Variants in NEK4 observed in about 807,000 individuals in gnomAD.
NEK4 encodes the protein serine/threonine-protein kinase Nek4.
Under a neutral mutation model 98.4 loss-of-function variants are expected in NEK4, and 86 were observed. The ratio of observed to expected loss-of-function variants is 0.87; its 90% CI spans 0.73 to 1.05. The LOEUF is 1.05. NEK4 is among the 50% of genes least tolerant of loss of function. NEK4 has a pLI of 0.00. For missense variants in NEK4, 898 were observed against 950.3 expected, an observed-to-expected ratio of 0.94 and a Z score of 0.72; for synonymous variants, 328 against 342.2, an observed-to-expected ratio of 0.96 and a Z score of 0.46.
In NEK4 at chr3:52,770,839, G is replaced by C. The variant is rs1698756677; in HGVS notation, c.-93C>G. 5.3e-6 allele frequency: 6 copies of C among 1,133,120 alleles called. No individual in the cohort carries two copies. The Admixed American group carries it at 1.2e-4, about 23-fold the overall frequency. 70.2% of individuals were successfully genotyped at this position (1,133,120 alleles called of 1,614,324 possible). On this transcript the variant is annotated 5_prime_UTR_variant, in exon 1 of 16. Coordinates refer to ENST00000233027, the MANE Select transcript of NEK4 (RefSeq NM_003157.6). ...AAGCTCGGTTCATGCCCGAGAGGGG[G>C]CAGTGGGGGCGGCTGTTGAGGCAGC... is the stretch of plus-strand genomic sequence containing the variant.
At position 52,710,319 on chromosome 3, in the gene NEK4, T is replaced by C. The variant is rs1483375297; in HGVS notation, c.*1458A>G. 6.6e-6 allele frequency: 1 copy of C among 151,700 alleles called. No individual in the cohort carries two copies. The highest frequency in any genetic ancestry group is 1.5e-5 in the Non-Finnish European group (1 of 67,990). The allele number at this position is 151,700 out of a possible 1,614,324, so 9.4% of individuals were successfully genotyped here. On this transcript the variant is annotated 3_prime_UTR_variant, in exon 16 of 16. Transcript: ENST00000233027. ...GGCGGAGCTTGCAGTGATCTGAGATTGGGCCACTGCACTTCAGCCTGGGTG... is the reference window on the plus strand; with the variant it reads ...GGCGGAGCTTGCAGTGATCTGAGATCGGGCCACTGCACTTCAGCCTGGGTG...
At chr3:52,740,686 C>T (rs966559968) in intron 13 of NEK4, among the ~76,000 whole-genome samples, 21 of 151,610 alleles carry the variant, frequency 1.4e-4, no homozygotes, top group Non-Finnish European at 2.1e-4. Flanking sequence ...AGCTACTCGG[C>T]GGGGCTGAGA....
rs757918629 is a variant in NEK4 at position 52,768,619 on chromosome 3, T to A, written c.94-15A>T. 2 of 1,611,576 alleles carry A rather than the reference T, an allele frequency of 1.2e-6. No homozygotes were observed. Among genetic ancestry groups the A allele is most frequent in the Non-Finnish European group, 1.7e-6 (2 of 1,178,190 alleles). On this transcript the variant is annotated splice_polypyrimidine_tract_variant and intron_variant, in intron 1 of 15. Transcript: ENST00000233027. The stretch of plus-strand genomic sequence containing the variant: ...TTGATGACATACTAAAAACAAACCA[T>A]GTATTTTTACAATGTGCAAATAAAC...
chr3:52,746,630 T>C, intron 9 of NEK4, 104 bp downstream of exon 9: 1 of 999,822 alleles, frequency 1.0e-6, no homozygotes, highest in Non-Finnish European at 1.5e-6. Context: ...TTCTGTATTA[T>C]GTTCCTTGCA....
intron 10 of NEK4, among the ~76,000 whole-genome samples, chr3:52,744,523 A>T (rs2097392461): frequency 6.6e-6 from 1 of 151,986 alleles, no homozygotes; most frequent in Non-Finnish European, 1.5e-5. Context: ...GTCTCTACTA[A>T]AAATACAAAA....
At chr3:52,713,127 AG>A (rs1470197909) in intron 15 of NEK4, among the ~76,000 whole-genome samples, 6 of 152,212 alleles carry the variant, frequency 3.9e-5, no homozygotes, top group Non-Finnish European at 1.5e-5. Flanking sequence ...TAATAAAAAA[AG>A]TACTATGTGA....
intron 5 of NEK4, among the ~76,000 whole-genome samples, chr3:52,762,684 C>T (rs907215313): frequency 6.6e-6 from 1 of 152,154 alleles, no homozygotes; most frequent in African/African-American, 2.4e-5. Flanking sequence ...AGTTCAAGAC[C>T]AGCCTGGCCA....
intron 6 of NEK4, among the ~76,000 whole-genome samples, chr3:52,757,772 A>C (rs1027398573): frequency 2.0e-5 from 3 of 152,186 alleles, no homozygotes; most frequent in African/African-American, 7.2e-5. Context: ...CACAACATGG[A>C]TGAACCTTGA....
rs967570480 is a variant in NEK4 at position 52,742,324 on chromosome 3, G to T, written c.2005-825C>A. On this transcript the variant is annotated intron_variant, in intron 12 of 15. Transcript: ENST00000233027. Reference sequence around the variant, plus strand: ...GGGCTCAAGCAATCCTCCTTCCTTGGCCTCCCAAGTAGCTGAGATAACACC... The same window carrying T: ...GGGCTCAAGCAATCCTCCTTCCTTGTCCTCCCAAGTAGCTGAGATAACACC... Among the ~76,000 whole-genome samples the T allele has an allele frequency of 1.9e-4, 29 of 151,608 alleles. 1 individual carries two copies. Among genetic ancestry groups the T allele is most frequent in the Admixed American group, 1.1e-3 (17 of 15,186 alleles).
chr3:52,722,552 G>A (rs1408632385), intron 15 of NEK4, among the ~76,000 whole-genome samples: 1 of 151,964 alleles, frequency 6.6e-6, no homozygotes, highest in African/African-American at 2.4e-5. Context: ...CCATTCAAAG[G>A]AAAAAAACAA....
At chr3:52,757,992 G>A (rs1474071078) in intron 6 of NEK4, among the ~76,000 whole-genome samples, 1 of 151,788 alleles carries the variant, frequency 6.6e-6, no homozygotes, top group Non-Finnish European at 1.5e-5. Flanking sequence ...TCTGGCCAAC[G>A]TGGTGAAACC....
intron 7 of NEK4, 34 bp from the exon 8 acceptor site, chr3:52,749,863 T>C (rs1487881096): frequency 1.3e-5 from 2 of 158,268 alleles, no homozygotes; most frequent in African/African-American, 4.8e-5. Flanking sequence ...AAAAACATGT[T>C]CAACATCATT....
chr3:52,724,465 G>A (rs2097362781), intron 15 of NEK4, among the ~76,000 whole-genome samples: 1 of 152,184 alleles, frequency 6.6e-6, no homozygotes, highest in South Asian at 2.1e-4. Flanking sequence ...CTTCAAAAGT[G>A]AGGGAGAAAT....
At chr3:52,719,685 T>TG (rs2097358442) in intron 15 of NEK4, among the ~76,000 whole-genome samples, 2 of 151,528 alleles carry the variant, frequency 1.3e-5, no homozygotes, top group African/African-American at 4.8e-5. Context: ...AAAGGTATAA[T>TG]GACAGTGTCA....
intron 1 of NEK4, among the ~76,000 whole-genome samples, chr3:52,769,532 A>G (rs931969854): frequency 2.0e-5 from 3 of 152,224 alleles, no homozygotes; most frequent in African/African-American, 7.2e-5. Flanking sequence ...AGCTCAAATA[A>G]CTAGCTATTG....
intron 15 of NEK4, among the ~76,000 whole-genome samples, chr3:52,716,273 C>T (rs2097355072): frequency 6.6e-6 from 1 of 152,200 alleles, no homozygotes; most frequent in Non-Finnish European, 1.5e-5. Context: ...CCATCAGCCA[C>T]AGACGTTTCT....
At chr3:52,743,197 T>C in intron 12 of NEK4, 155 bp downstream of exon 12, 1 of 638,534 alleles carries the variant, frequency 1.6e-6, no homozygotes, top group East Asian at 2.6e-5. Flanking sequence ...TCCTTTTGAC[T>C]ATTATTTACC....
chr3:52,744,317 A>C lies in NEK4; in HGVS notation c.1828-12T>G, dbSNP rs763934868. 2 of 1,595,730 alleles carry C rather than the reference A, an allele frequency of 1.3e-6. No homozygotes were observed. The highest frequency in any genetic ancestry group is 4.5e-5 in the East Asian group (2 of 44,802). On this transcript the variant is annotated splice_polypyrimidine_tract_variant and intron_variant, in intron 10 of 15. Transcript: ENST00000233027. ...GATAATGGTCGATCCTTTAAAAGAAAGTCACAGAGTCACTTCCATTCCTAC... is the reference window on the plus strand; with the variant it reads ...GATAATGGTCGATCCTTTAAAAGAACGTCACAGAGTCACTTCCATTCCTAC...
At chr3:52,743,207 C>T in intron 12 of NEK4, 145 bp downstream of exon 12, 2 of 650,858 alleles carry the variant, frequency 3.1e-6, no homozygotes, top group Non-Finnish European at 5.5e-6. Context: ...TATTATTTAC[C>T]AGTTCCTTTC....
Sources: gnomAD v4.1 joint callset for allele counts (sites outside exome capture counted in the v4.1 genomes callset) on GRCh38, gnomAD v4.1.1 for gene constraint, MANE v1.5 for transcripts, NCBI Gene and HGNC (gene_info 2026-07-23, HGNC 2026-07-21) for gene names.